The following ENAH variants were observed in gnomAD, a reference collection of about 807,000 sequenced individuals.
ENAH encodes the protein protein enabled homolog.
Under a neutral mutation model 78.7 loss-of-function variants are expected in ENAH, and 23 were observed. The observed-to-expected ratio is 0.29, with a 90% CI of 0.21 to 0.41. The LOEUF is 0.41. ENAH is among the 10% of genes least tolerant of loss of function. The probability of loss-of-function intolerance (pLI) is 1.00; values close to 1 mark genes in which losing one functional copy is unlikely to be tolerated. For missense variants in ENAH, 544 were observed against 691.0 expected (o/e 0.79, Z 2.39); for synonymous variants, 226 against 241.0 (o/e 0.94, Z 0.58).
intron 12 of ENAH, 145 bp downstream of exon 12, chr1:225,500,847 C>T: frequency 1.3e-6 from 1 of 750,794 alleles, no homozygotes; most frequent in South Asian, 2.0e-5. Context: ...AAATGCAGTA[C>T]TACTAATGCC....
At chr1:225,520,612 C>G (rs1207237524) in intron 4 of ENAH, among the ~76,000 whole-genome samples, 1 of 152,014 alleles carries the variant, frequency 6.6e-6, no homozygotes, top group African/African-American at 2.4e-5. Flanking sequence ...AATCCTAGCA[C>G]TTTGGGAGGC....
intron 4 of ENAH, among the ~76,000 whole-genome samples, 157 bp from the exon 5 acceptor site, chr1:225,519,722 G>A (rs2096453071): frequency 6.6e-6 from 1 of 152,294 alleles, no homozygotes; most frequent in Admixed American, 6.5e-5. Flanking sequence ...CTTGGATAGA[G>A]ACTGTTTCAT....
intron 8 of ENAH, 32 bp from the exon 9 acceptor site, chr1:225,512,746 T>C (rs2096387250): frequency 6.2e-7 from 1 of 1,611,944 alleles, no homozygotes. Context: ...TTTTTAAAAA[T>C]ATTATCTGAT....
chr1:225,497,168 T>C lies in ENAH; in HGVS notation c.*607A>G, dbSNP rs17560215. The C allele has an allele frequency of 0.045, 6,833 of 152,732 alleles. 236 individuals carry two copies. Among genetic ancestry groups the C allele is most frequent in the South Asian group, 0.11 (511 of 4,822 alleles). 9.5% of individuals were successfully genotyped at this position (152,732 alleles called of 1,614,324 possible). A position where few individuals can be genotyped will look rare whatever the true frequency, so the allele number is the denominator to read the frequency against. The stretch of plus-strand genomic sequence containing the variant: ...AGAAACTTCCTATCATTCTAAAATT[T>C]CTCAAGCTGAAGAAACATTTTTCGG... On this transcript the variant is annotated 3_prime_UTR_variant, in exon 14 of 14. Coordinates refer to ENST00000366843, the MANE Select transcript of ENAH (RefSeq NM_018212.6).
chr1:225,536,353 A>C (rs1294473864), intron 3 of ENAH, among the ~76,000 whole-genome samples: 5 of 152,134 alleles, frequency 3.3e-5, no homozygotes, highest in African/African-American at 7.2e-5. Context: ...ATGAAATCAA[A>C]GTGACACTCA....
At chr1:225,563,743 C>T (rs1222491972) in intron 2 of ENAH, among the ~76,000 whole-genome samples, 1 of 152,130 alleles carries the variant, frequency 6.6e-6, no homozygotes, top group African/African-American at 2.4e-5. Context: ...GGCTCCTCTC[C>T]CAAACGTGTT....
intron 1 of ENAH, among the ~76,000 whole-genome samples, chr1:225,623,707 T>C (rs1657428250): frequency 6.8e-6 from 1 of 147,242 alleles, no homozygotes; most frequent in South Asian, 2.1e-4. Flanking sequence ...TGCCTCAGCC[T>C]CCTGAGTAGC....
chr1:225,515,146 C>A, intron 6 of ENAH: 3 of 427,824 alleles, frequency 7.0e-6, no homozygotes, highest in South Asian at 4.7e-5. Flanking sequence ...AACAGATCAT[C>A]TAATTAAGAC....
At chr1:225,561,063 G>A (rs1225748236) in intron 2 of ENAH, among the ~76,000 whole-genome samples, 11 of 151,886 alleles carry the variant, frequency 7.2e-5, no homozygotes, top group Admixed American at 2.6e-4. Flanking sequence ...GTGAAACCCT[G>A]TCTCTACTGA....
intron 3 of ENAH, among the ~76,000 whole-genome samples, chr1:225,535,291 A>G (rs1456086452): frequency 6.6e-6 from 1 of 152,110 alleles, no homozygotes; most frequent in African/African-American, 2.4e-5. Context: ...TAAGATCCTA[A>G]TTCTAACTAA....
At chr1:225,588,802 A>C (rs945917014) in intron 1 of ENAH, among the ~76,000 whole-genome samples, 13 of 6,084 alleles carry the variant, frequency 2.1e-3, no homozygotes, top group African/African-American at 9.8e-3. Flanking sequence ...AGTCTGTGTC[A>C]AAAAAAAAAA....
chr1:225,650,159 T>C (rs1215478209), intron 1 of ENAH, among the ~76,000 whole-genome samples: 1 of 152,228 alleles, frequency 6.6e-6, no homozygotes, highest in Admixed American at 6.5e-5. Context: ...CAAATCTAAG[T>C]ACTACCTAAC....
chr1:225,570,335 T>C (rs895393315), intron 1 of ENAH, among the ~76,000 whole-genome samples: 9 of 152,066 alleles, frequency 5.9e-5, no homozygotes, highest in African/African-American at 2.2e-4. Context: ...CATCCTGCCA[T>C]GTACGCTGAC....
Position 225,590,077 on chromosome 1 carries a change from C to A in ENAH, c.6-22663G>T, listed in dbSNP as rs12733806. 5.2e-5 allele frequency among the ~76,000 whole-genome samples: 7 copies of A among 135,718 alleles called. No individual in the cohort carries two copies. In the South Asian group the frequency reaches 1.6e-3, roughly 32 times the overall value. The allele number at this position is 135,718 out of a possible 152,430, so 89.0% of individuals were successfully genotyped here. A position where few individuals can be genotyped will look rare whatever the true frequency, so the allele number is the denominator to read the frequency against. ...GTGGTGACTAATTGCCTCCCCTCAT[C>A]ACTCAACACACACACACACACACAC... On this transcript the variant is annotated intron_variant, in intron 1 of 13. Coordinates refer to ENST00000366843, the MANE Select transcript of ENAH (RefSeq NM_018212.6).
Position 225,487,706 on chromosome 1 carries a change from A to G in ENAH, c.*10069T>C, listed in dbSNP as rs2096205795. ...ATAAAGTCCCATTCATGGGGTGCAA[A>G]TGTTTACATTGTTAGCAAAGAAAAT... On this transcript the variant is annotated 3_prime_UTR_variant, in exon 14 of 14. Coordinates refer to ENST00000366843, the MANE Select transcript of ENAH (RefSeq NM_018212.6). 6.6e-6 allele frequency: 1 copy of G among 152,214 alleles called. No individual in the cohort carries two copies. The highest frequency in any genetic ancestry group is 1.5e-5 in the Non-Finnish European group (1 of 68,040). 9.4% of individuals were successfully genotyped at this position (152,214 alleles called of 1,614,324 possible).
chr1:225,493,347 TTAAG>T lies in ENAH; in HGVS notation c.*4424_*4427del, dbSNP rs1328775273. On this transcript the variant is annotated 3_prime_UTR_variant, in exon 14 of 14. Coordinates refer to ENST00000366843, the MANE Select transcript of ENAH (RefSeq NM_018212.6). Reference sequence around the variant, plus strand: ...CAAATCCTCAAAAGAAAACTCTTCTTTAAGTAATTGTCCTCTACTATGTCTTTAC... The same window carrying T: ...CAAATCCTCAAAAGAAAACTCTTCTTTAATTGTCCTCTACTATGTCTTTAC... 1 of 152,210 alleles carries T rather than the reference TTAAG, an allele frequency of 6.6e-6. No homozygotes were observed. The highest frequency in any genetic ancestry group is 2.4e-5 in the African/African-American group (1 of 41,454). The allele number at this position is 152,210 out of a possible 1,614,324, so 9.4% of individuals were successfully genotyped here.
rs183214831 is a variant in ENAH at position 225,508,096 on chromosome 1, A to G, written c.1472-79T>C. 4.4e-4 allele frequency: 378 copies of G among 868,884 alleles called. 1 individual carries two copies. The highest frequency in any genetic ancestry group is 5.4e-4 in the Non-Finnish European group (313 of 583,564). The allele number at this position is 868,884 out of a possible 1,614,324, so 53.8% of individuals were successfully genotyped here. On this transcript the variant is annotated intron_variant, in intron 10 of 13. Coordinates refer to ENST00000366843, the MANE Select transcript of ENAH (RefSeq NM_018212.6). ...TATAAAACAAATAACAAAATACTAA[A>G]TCTCATTATACCTGTTTACATAGTA...
intron 6 of ENAH, among the ~76,000 whole-genome samples, chr1:225,515,826 G>A (rs1000363385): frequency 6.6e-6 from 1 of 152,224 alleles, no homozygotes; most frequent in Non-Finnish European, 1.5e-5. Flanking sequence ...CCCTTCTGTA[G>A]GGGTTGTTAA....
intron 1 of ENAH, among the ~76,000 whole-genome samples, chr1:225,629,507 A>T (rs1658596683): frequency 6.6e-6 from 1 of 151,524 alleles, no homozygotes; most frequent in African/African-American, 2.4e-5. Context: ...GAATTGCTTG[A>T]ATCTGGGAAG....
Sources: gnomAD v4.1 joint callset for allele counts (sites outside exome capture counted in the v4.1 genomes callset) on GRCh38, gnomAD v4.1.1 for gene constraint, MANE v1.5 for transcripts, NCBI Gene and HGNC (gene_info 2026-07-23, HGNC 2026-07-21) for gene names.